MTUS2: variants seen among roughly 807,000 people sequenced by gnomAD.
MTUS2 encodes the protein microtubule associated scaffold protein 2, also known as microtubule-associated tumor suppressor candidate 2.
Under a neutral mutation model 114.1 loss-of-function variants are expected in MTUS2, and 40 were observed. The observed-to-expected ratio is 0.35, with a 90% confidence interval of 0.27 to 0.46. The LOEUF is 0.46. Among genes scored for constraint, MTUS2 ranks in the 20% least tolerant of loss-of-function variants. The pLI is 1.00. For missense variants in MTUS2, 1,679 were observed against 1,705.4 expected (o/e 0.98, Z 0.27); for synonymous variants, 688 against 672.0 (o/e 1.02, Z -0.37).
intron 2 of MTUS2, among the ~76,000 whole-genome samples, chr13:28,901,305 G>A (rs1879630265): frequency 6.6e-6 from 1 of 152,132 alleles, no homozygotes. Context: ...TTCTCCCAAT[G>A]CGTAGCTTCT....
At chr13:28,963,980 C>T (rs1391891225) in intron 2 of MTUS2, among the ~76,000 whole-genome samples, 1 of 152,208 alleles carries the variant, frequency 6.6e-6, no homozygotes, top group African/African-American at 2.4e-5. Flanking sequence ...GTGAACTCTT[C>T]ATCCTTCGTT....
intron 2 of MTUS2, among the ~76,000 whole-genome samples, chr13:28,855,265 T>G (rs1200854677): frequency 6.6e-6 from 1 of 152,172 alleles, no homozygotes; most frequent in East Asian, 1.9e-4. Flanking sequence ...TTTTTTAAAT[T>G]AAATTAAATT....
intron 4 of MTUS2, among the ~76,000 whole-genome samples, chr13:29,046,866 T>C (rs1417838390): frequency 6.6e-6 from 1 of 152,172 alleles, no homozygotes; most frequent in Non-Finnish European, 1.5e-5. Flanking sequence ...CCTTCCCCTT[T>C]CCTCTCCACT....
intron 2 of MTUS2, among the ~76,000 whole-genome samples, chr13:28,999,578 G>A (rs919304761): frequency 3.3e-5 from 5 of 152,170 alleles, no homozygotes; most frequent in African/African-American, 1.2e-4. Context: ...GATCAAATCA[G>A]GACAGTTAGC....
chr13:29,471,463 A>G (rs3011614), intron 9 of MTUS2, among the ~76,000 whole-genome samples: 43,039 of 152,136 alleles, frequency 0.28, 6,604 homozygotes, highest in African/African-American at 0.41. Context: ...CACACAAGAG[A>G]TGACATAAAG....
chr13:29,454,182 C>G (rs1010040639), intron 9 of MTUS2, among the ~76,000 whole-genome samples: 3 of 152,344 alleles, frequency 2.0e-5, no homozygotes, highest in African/African-American at 7.2e-5. Context: ...TAGGTGACTA[C>G]TACTGAAGCC....
chr13:29,460,952 T>TTC (rs1202024876), intron 9 of MTUS2, among the ~76,000 whole-genome samples: 2 of 152,200 alleles, frequency 1.3e-5, no homozygotes, highest in African/African-American at 4.8e-5. Context: ...GATTTTTCTC[T>TTC]TTTCTTTAGT....
intron 2 of MTUS2, among the ~76,000 whole-genome samples, chr13:28,898,540 G>A (rs374247086): frequency 5.9e-5 from 9 of 152,110 alleles, no homozygotes; most frequent in Non-Finnish European, 1.0e-4. Context: ...ATGAACTACC[G>A]TATCCCTGCT....
At chr13:29,334,240 C>T (rs906443038) in intron 7 of MTUS2, among the ~76,000 whole-genome samples, 3 of 152,184 alleles carry the variant, frequency 2.0e-5, no homozygotes, top group African/African-American at 7.2e-5. Flanking sequence ...GAATTTGATC[C>T]TGTCATTATG....
At position 28,981,916 on chromosome 13, in the gene MTUS2, C is replaced by T. The variant is rs147785503; in HGVS notation, c.-242-42541C>T. 6.2e-3 allele frequency among the ~76,000 whole-genome samples: 951 copies of T among 152,260 alleles called. 10 individuals are homozygous for T. Among genetic ancestry groups the T allele is most frequent in the Middle Eastern group, 0.024 (7 of 294 alleles). ...TATGAGCGTATCTGGTTCCGTTTCACCTGGAGGGAATGGGGAAGCCTGATA... is the reference window on the plus strand; with the variant it reads ...TATGAGCGTATCTGGTTCCGTTTCATCTGGAGGGAATGGGGAAGCCTGATA... On this transcript the variant is annotated intron_variant, in intron 2 of 15. Transcript: ENST00000612955.
chr13:29,139,157 G>T (rs953244011), intron 5 of MTUS2, among the ~76,000 whole-genome samples: 1 of 150,968 alleles, frequency 6.6e-6, no homozygotes, highest in Admixed American at 6.6e-5. Context: ...ATTCACATAT[G>T]TGCTGACACA....
At chr13:29,206,110 G>T (rs1895175019) in intron 5 of MTUS2, among the ~76,000 whole-genome samples, 1 of 152,162 alleles carries the variant, frequency 6.6e-6, no homozygotes, top group African/African-American at 2.4e-5. Flanking sequence ...GTTCTTGCTG[G>T]AGTAAGGTGG....
In MTUS2 at chr13:28,916,176, A is replaced by AACAT. The variant is rs199574211; in HGVS notation, c.-243+76329_-243+76332dup. Among the ~76,000 whole-genome samples, 996 of 152,074 alleles carry AACAT rather than the reference A, an allele frequency of 6.5e-3. 12 individuals are homozygous for AACAT. Among genetic ancestry groups the AACAT allele is most frequent in the African/African-American group, 0.023 (942 of 41,532 alleles). On this transcript the variant is annotated intron_variant, in intron 2 of 15. Transcript: ENST00000612955. ...TCTATGTGTCTGTTTTTATGCCAGTAACATACTGTTTTTGTTATGATAGCT... is the reference window on the plus strand; with the variant it reads ...TCTATGTGTCTGTTTTTATGCCAGTAACATACATACTGTTTTTGTTATGATAGCT...
intron 2 of MTUS2, among the ~76,000 whole-genome samples, chr13:29,023,578 T>C (rs994063721): frequency 6.6e-6 from 1 of 152,210 alleles, no homozygotes; most frequent in Non-Finnish European, 1.5e-5. Context: ...CAAATTAATC[T>C]CTGGCATAAT....
intron 8 of MTUS2, among the ~76,000 whole-genome samples, chr13:29,381,242 T>C (rs1230229832): frequency 1.3e-5 from 2 of 151,886 alleles, no homozygotes; most frequent in Admixed American, 6.6e-5. Flanking sequence ...ACAGATAAAG[T>C]AGACTAGATA....
At chr13:29,320,855 G>A (rs184315456) in intron 6 of MTUS2, among the ~76,000 whole-genome samples, 187 of 152,290 alleles carry the variant, frequency 1.2e-3, no homozygotes, top group Non-Finnish European at 2.3e-3. Flanking sequence ...TGAATCAGGG[G>A]CCAGACTTAG....
chr13:29,369,661 G>A (rs1414127138), intron 8 of MTUS2, among the ~76,000 whole-genome samples: 2 of 152,212 alleles, frequency 1.3e-5, no homozygotes, highest in African/African-American at 4.8e-5. Context: ...GTATACCTGT[G>A]ATCCAGTCCC....
intron 8 of MTUS2, among the ~76,000 whole-genome samples, chr13:29,378,619 A>G (rs1247437979): frequency 6.6e-6 from 1 of 152,216 alleles, no homozygotes; most frequent in Non-Finnish European, 1.5e-5. Context: ...AAAGATTTGA[A>G]AAAAACAGTG....
In MTUS2 at chr13:28,999,792, C is replaced by T. The variant is rs148596247; in HGVS notation, c.-242-24665C>T. Among the ~76,000 whole-genome samples, 540 of 152,298 alleles carry T rather than the reference C, an allele frequency of 3.5e-3. 2 individuals are homozygous for T. The highest frequency in any genetic ancestry group is 0.012 in the African/African-American group (516 of 41,542). On this transcript the variant is annotated intron_variant, in intron 2 of 15. Coordinates refer to ENST00000612955, the MANE Select transcript of MTUS2 (RefSeq NM_001033602.4). ...CCTCTTCTGCCCCATCCCCCGCCAGCCTCTGGTAACCACTATTTTACTCTC... is the reference window on the plus strand; with the variant it reads ...CCTCTTCTGCCCCATCCCCCGCCAGTCTCTGGTAACCACTATTTTACTCTC...
Sources: gnomAD v4.1 joint callset for allele counts (sites outside exome capture counted in the v4.1 genomes callset) on GRCh38, gnomAD v4.1.1 for gene constraint, MANE v1.5 for transcripts, NCBI Gene and HGNC (gene_info 2026-07-23, HGNC 2026-07-21) for gene names.